PCDHAC1: variants seen among roughly 807,000 people sequenced by gnomAD.
The protein encoded by PCDHAC1 is protocadherin alpha subfamily C, 1.
PCDHAC1 carries 42 observed loss-of-function variants against 60.0 expected under a neutral mutation model. The observed-to-expected ratio is 0.70, with a 90% CI of 0.55 to 0.90. The LOEUF (loss-of-function observed/expected upper bound fraction) is 0.90. Among genes scored for constraint, PCDHAC1 ranks in the 40% least tolerant of loss-of-function variants. The pLI, the probability that PCDHAC1 is intolerant of heterozygous loss-of-function variation, is 0.00. For synonymous variants in PCDHAC1, 468 were observed against 499.3 expected, an observed-to-expected ratio of 0.94 and a Z score of 0.84; for missense variants, 1,160 against 1,222.3, an observed-to-expected ratio of 0.95 and a Z score of 0.76.
intron 1 of PCDHAC1, among the ~76,000 whole-genome samples, chr5:140,942,544 G>T (rs546340510): frequency 1.6e-4 from 24 of 152,000 alleles, no homozygotes; most frequent in Non-Finnish European, 2.9e-4. Context: ...TATGGTGGGG[G>T]GTAGGGGGTT....
At chr5:140,997,837 T>G (rs1414415987) in intron 3 of PCDHAC1, among the ~76,000 whole-genome samples, 2 of 152,222 alleles carry the variant, frequency 1.3e-5, no homozygotes, top group African/African-American at 4.8e-5. Context: ...AACAATACAA[T>G]ATACATTCTT....
chr5:140,942,817 T>C (rs1479369594), intron 1 of PCDHAC1, among the ~76,000 whole-genome samples: 2 of 152,160 alleles, frequency 1.3e-5, no homozygotes, highest in African/African-American at 4.8e-5. Context: ...ACTAGTTGGA[T>C]TTGGCCCTGT....
At chr5:140,958,139 A>T (rs1196467618) in intron 1 of PCDHAC1, among the ~76,000 whole-genome samples, 2 of 152,112 alleles carry the variant, frequency 1.3e-5, no homozygotes, top group African/African-American at 2.4e-5. Context: ...CAGTGTGTAT[A>T]TTTATATAGC....
intron 1 of PCDHAC1, among the ~76,000 whole-genome samples, chr5:140,932,302 G>A (rs565143074): frequency 6.6e-6 from 1 of 151,800 alleles, no homozygotes; most frequent in African/African-American, 2.4e-5. Context: ...AATTTTTAAA[G>A]GTATAAATAT....
chr5:140,931,966 A>G (rs1554208694), intron 1 of PCDHAC1, among the ~76,000 whole-genome samples: 1 of 151,950 alleles, frequency 6.6e-6, no homozygotes, highest in African/African-American at 2.4e-5. Context: ...ATGTTGATGC[A>G]TATGTGTTTA....
At position 140,927,897 on chromosome 5, in the gene PCDHAC1, T is replaced by A; in HGVS notation, c.1005T>A (p.Asp335Glu). 1 of 1,614,204 alleles carries A rather than the reference T, an allele frequency of 6.2e-7. No individual in the cohort carries two copies. The highest frequency in any genetic ancestry group is 1.3e-5 in the African/African-American group (1 of 75,058). ...KLLVEVTDVNDHAPELDFLTL... is the reference protein window; with the variant it reads ...KLLVEVTDVNEHAPELDFLTL... ...TGGTGGAGGTGACTGACGTGAACGATCATGCCCCCGAACTGGACTTCCTGA... is the reference window on the plus strand; with the variant it reads ...TGGTGGAGGTGACTGACGTGAACGAACATGCCCCCGAACTGGACTTCCTGA... The change falls in exon 1 of 4, where the codon GAT becomes GAA. Residue 335 changes from aspartate to glutamate, a missense_variant. By Grantham distance (45) the Asp-to-Glu change is conservative. This residue lies in a region of PCDHAC1 where 1,113 missense variants were observed against 1,163.7 expected (regional missense o/e 0.96). Coordinates refer to ENST00000253807, the MANE Select transcript of PCDHAC1 (RefSeq NM_018898.5).
At chr5:140,994,248 G>A (rs188394827) in intron 3 of PCDHAC1, among the ~76,000 whole-genome samples, 1 of 152,238 alleles carries the variant, frequency 6.6e-6, no homozygotes, top group East Asian at 1.9e-4. Flanking sequence ...TCAAACCCTA[G>A]GTAAATAAGG....
At chr5:140,957,871 G>C (rs1312915058) in intron 1 of PCDHAC1, among the ~76,000 whole-genome samples, 1 of 151,864 alleles carries the variant, frequency 6.6e-6, no homozygotes, top group African/African-American at 2.4e-5. Flanking sequence ...CCTATTTTGT[G>C]CTGAAAAGCT....
intron 1 of PCDHAC1, 90 bp downstream of exon 1, chr5:140,929,415 C>A: frequency 6.6e-7 from 1 of 1,504,268 alleles, no homozygotes; most frequent in Non-Finnish European, 8.9e-7. Context: ...CCTTTCACAA[C>A]ATTTCATCAA....
In PCDHAC1 at chr5:140,926,629, G is replaced by C; in HGVS notation, c.-264G>C. 1 of 406,364 alleles carries C rather than the reference G, an allele frequency of 2.5e-6. No individual in the cohort carries two copies. Among genetic ancestry groups the C allele is most frequent in the Non-Finnish European group, 4.2e-6 (1 of 235,946 alleles). 25.2% of individuals were successfully genotyped at this position (406,364 alleles called of 1,614,324 possible). On this transcript the variant is annotated 5_prime_UTR_variant, in exon 1 of 4. Transcript: ENST00000253807. ...TCTCTGCACCCCTAGGCGGCGCTGCGCTCCTCAACACCCGGCCGGCTCCGC... is the reference window on the plus strand; with the variant it reads ...TCTCTGCACCCCTAGGCGGCGCTGCCCTCCTCAACACCCGGCCGGCTCCGC...
intron 1 of PCDHAC1, among the ~76,000 whole-genome samples, chr5:140,950,741 C>A (rs149114023): frequency 1.3e-5 from 2 of 152,006 alleles, no homozygotes; most frequent in African/African-American, 4.8e-5. Flanking sequence ...ATCCTAATTT[C>A]TCTCTATCCT....
intron 1 of PCDHAC1, among the ~76,000 whole-genome samples, chr5:140,953,627 T>C (rs1298172951): frequency 6.6e-6 from 1 of 152,178 alleles, no homozygotes; most frequent in Non-Finnish European, 1.5e-5. Context: ...ATTTGCTTTA[T>C]GTATTTTGGC....
intron 1 of PCDHAC1, among the ~76,000 whole-genome samples, chr5:140,941,955 A>G (rs1424348103): frequency 1.3e-5 from 2 of 152,216 alleles, no homozygotes; most frequent in Non-Finnish European, 2.9e-5. Flanking sequence ...TTTGAAAACA[A>G]TAGTATCTTT....
At chr5:140,953,580 A>G (rs1053710021) in intron 1 of PCDHAC1, among the ~76,000 whole-genome samples, 23 of 151,934 alleles carry the variant, frequency 1.5e-4, no homozygotes, top group Non-Finnish European at 2.4e-4. Context: ...CTCTCCCAAA[A>G]CTGCCTCCTT....
chr5:140,999,139 C>T lies in PCDHAC1; in HGVS notation c.2582-10488C>T, dbSNP rs185453971. 2.6e-3 allele frequency among the ~76,000 whole-genome samples: 401 copies of T among 152,236 alleles called. 3 individuals carry two copies. The highest frequency in any genetic ancestry group is 5.8e-3 in the South Asian group (28 of 4,818). On this transcript the variant is annotated intron_variant, in intron 3 of 3. Coordinates refer to ENST00000253807, the MANE Select transcript of PCDHAC1 (RefSeq NM_018898.5). ...TTTCTAAGCTGGAAAATGTCACAGCCGGAAGTCTTCAGTCCCCTAGAAGGA... is the reference window on the plus strand; with the variant it reads ...TTTCTAAGCTGGAAAATGTCACAGCTGGAAGTCTTCAGTCCCCTAGAAGGA...
intron 1 of PCDHAC1, chr5:140,969,448 G>C (rs781843317): frequency 2.0e-6 from 3 of 1,537,944 alleles, no homozygotes; most frequent in Non-Finnish European, 2.6e-6. Flanking sequence ...CTGGTAAACT[G>C]AGTATATATA....
At chr5:140,976,248 T>G (rs1476905185) in intron 1 of PCDHAC1, among the ~76,000 whole-genome samples, 5 of 152,032 alleles carry the variant, frequency 3.3e-5, no homozygotes, top group African/African-American at 9.7e-5. Context: ...TCATGTAAAT[T>G]TATTTAAAAC....
At chr5:140,960,265 T>A (rs1380537220) in intron 1 of PCDHAC1, among the ~76,000 whole-genome samples, 2 of 152,174 alleles carry the variant, frequency 1.3e-5, no homozygotes, top group African/African-American at 4.8e-5. Context: ...TTCTGATAAA[T>A]TCCGTCACCT....
intron 1 of PCDHAC1, among the ~76,000 whole-genome samples, chr5:140,939,732 G>C (rs2092446551): frequency 6.6e-6 from 1 of 152,168 alleles, no homozygotes; most frequent in African/African-American, 2.4e-5. Context: ...GTTGTGTGTA[G>C]CTGTGTATCA....
Sources: allele counts gnomAD v4.1 joint callset (sites outside exome capture counted in the v4.1 genomes callset), GRCh38; gene constraint gnomAD v4.1.1; regional missense constraint gnomAD v4.1.1; transcripts MANE v1.5; gene names NCBI Gene and HGNC (gene_info 2026-07-23, HGNC 2026-07-21).